CAMTA1: variants seen among roughly 807,000 people sequenced by gnomAD.
CAMTA1 encodes calmodulin binding transcription activator 1.
A neutral mutation model predicts 170.9 loss-of-function variants in CAMTA1; 27 were observed. That is an observed-to-expected ratio of 0.16 (90% CI 0.12 to 0.22). CAMTA1 has a LOEUF of 0.22. CAMTA1 is among the 10% of genes least tolerant of loss of function. The probability of loss-of-function intolerance (pLI) is 1.00; values close to 1 mark genes in which losing one functional copy is unlikely to be tolerated. For synonymous variants in CAMTA1, 833 were observed against 891.5 expected (o/e 0.93, Z 1.17); for missense variants, 1,619 against 2,217.2 (o/e 0.73, Z 5.42).
At chr1:7,047,916 G>A (rs2101548582) in intron 3 of CAMTA1, among the ~76,000 whole-genome samples, 1 of 152,214 alleles carries the variant, frequency 6.6e-6, no homozygotes, top group South Asian at 2.1e-4. Context: ...AAACCCTGAA[G>A]CTTCTATCAC....
chr1:7,376,368 G>A (rs1289780850), intron 5 of CAMTA1, among the ~76,000 whole-genome samples: 13 of 152,190 alleles, frequency 8.5e-5, no homozygotes, highest in Non-Finnish European at 1.6e-4. Context: ...GCTGCAAAAA[G>A]GAAGCTAGTT....
chr1:7,184,262 C>T (rs913863155), intron 4 of CAMTA1, among the ~76,000 whole-genome samples: 1 of 151,944 alleles, frequency 6.6e-6, no homozygotes, highest in African/African-American at 2.4e-5. Flanking sequence ...TGGTTAATGG[C>T]TATAAAAAAA....
At chr1:7,072,328 T>C (rs1047535675) in intron 3 of CAMTA1, among the ~76,000 whole-genome samples, 3 of 152,202 alleles carry the variant, frequency 2.0e-5, no homozygotes, top group African/African-American at 4.8e-5. Context: ...GGAGTATGGA[T>C]GCGAGGTGTG....
At chr1:7,564,708 CCCAGTGT>C (rs1419892054) in intron 6 of CAMTA1, among the ~76,000 whole-genome samples, 1 of 151,998 alleles carries the variant, frequency 6.6e-6, no homozygotes, top group Non-Finnish European at 1.5e-5. Context: ...CCTCTGCCCT[CCCAGTGT>C]CCAGTGGAGT....
chr1:7,608,406 C>T lies in CAMTA1; in HGVS notation c.511-31994C>T, dbSNP rs2095501512. Among the ~76,000 whole-genome samples, 3 of 152,210 alleles carry T rather than the reference C, an allele frequency of 2.0e-5. No individual in the cohort carries two copies. In the South Asian group the frequency reaches 6.2e-4, roughly 32 times the overall value. ...CTGGGGAATGCTCAGGGCCAGGGAA[C>T]CCTCCTCTGGAGCAGGCACATGTCC... On this transcript the variant is annotated intron_variant, in intron 6 of 22. Coordinates refer to ENST00000303635, the MANE Select transcript of CAMTA1 (RefSeq NM_015215.4).
intron 3 of CAMTA1, among the ~76,000 whole-genome samples, chr1:7,086,321 C>G (rs565158203): frequency 6.6e-6 from 1 of 152,082 alleles, no homozygotes. Context: ...CACGCACACA[C>G]GTGGTCCTTA....
intron 4 of CAMTA1, among the ~76,000 whole-genome samples, chr1:7,104,246 AAC>A (rs371423806): frequency 0.17 from 23,038 of 131,782 alleles, 2,077 homozygotes; most frequent in Middle Eastern, 0.24. Context: ...GTGTACACAC[AAC>A]ACACATACAC....
chr1:6,901,792 AC>A (rs531387877), intron 3 of CAMTA1, among the ~76,000 whole-genome samples: 21 of 152,158 alleles, frequency 1.4e-4, no homozygotes, highest in Admixed American at 1.3e-3. Flanking sequence ...CCTGTAATTT[AC>A]CCAGCACTTT....
chr1:7,584,050 C>T (rs1576230314), intron 6 of CAMTA1, among the ~76,000 whole-genome samples: 2 of 152,144 alleles, frequency 1.3e-5, no homozygotes, highest in South Asian at 4.1e-4. Flanking sequence ...TTCTGATAAA[C>T]CCTTAGGGTG....
chr1:6,836,544 G>A (rs1653182484), intron 3 of CAMTA1, among the ~76,000 whole-genome samples: 1 of 152,134 alleles, frequency 6.6e-6, no homozygotes, highest in Admixed American at 6.5e-5. Context: ...TCAGCTCTGG[G>A]GAATTGGACA....
chr1:7,637,902 GATT>G (rs1446719916), intron 6 of CAMTA1, among the ~76,000 whole-genome samples: 1 of 152,206 alleles, frequency 6.6e-6, no homozygotes, highest in Non-Finnish European at 1.5e-5. Context: ...GGATTATCGT[GATT>G]ATTAAGGAGC....
At position 7,745,977 on chromosome 1, in the gene CAMTA1, A is replaced by G; in HGVS notation, c.4503A>G (p.Ala1501=). 6.2e-7 allele frequency: 1 copy of G among 1,614,210 alleles called. No homozygotes were observed. Among genetic ancestry groups the G allele is most frequent in the Non-Finnish European group, 8.5e-7 (1 of 1,180,036 alleles). Residue 1501 remains alanine, a synonymous_variant, in exon 18 of 23, where the codon GCA becomes GCG. Coordinates refer to ENST00000303635, the MANE Select transcript of CAMTA1 (RefSeq NM_015215.4). The part of the protein sequence containing the change: ...SAADWSEFLS[A]STSEKVENEF... ...CGGATTGGTCAGAATTCCTGAGTGC[A>G]TCTACCAGTGAGAAGGTAGAGAATG...
chr1:7,546,166 C>T, intron 6 of CAMTA1, among the ~76,000 whole-genome samples: 1 of 152,084 alleles, frequency 6.6e-6, no homozygotes, highest in Non-Finnish European at 1.5e-5. Context: ...CCGTGTTAGC[C>T]AGGATAGTCT....
At position 6,859,980 on chromosome 1, in the gene CAMTA1, T is replaced by C. The variant is rs186954822; in HGVS notation, c.234+34770T>C. ...CATTTCTTTGTATATTCCTGCAATT[T>C]AGCATGGTTTGACCATTTATGCTAT... is the stretch of plus-strand genomic sequence containing the variant. On this transcript the variant is annotated intron_variant, in intron 3 of 22. Transcript: ENST00000303635. Among the ~76,000 whole-genome samples the C allele has an allele frequency of 2.0e-3, 298 of 152,338 alleles. 1 individual carries two copies. Among genetic ancestry groups the C allele is most frequent in the African/African-American group, 6.9e-3 (287 of 41,580 alleles).
chr1:7,183,060 A>G (rs956991914), intron 4 of CAMTA1, among the ~76,000 whole-genome samples: 2 of 152,230 alleles, frequency 1.3e-5, no homozygotes, highest in Admixed American at 1.3e-4. Flanking sequence ...TAATTTATAA[A>G]GAAAAGAGGT....
At chr1:6,948,715 A>G (rs1687959807) in intron 3 of CAMTA1, among the ~76,000 whole-genome samples, 1 of 152,130 alleles carries the variant, frequency 6.6e-6, no homozygotes, top group African/African-American at 2.4e-5. Flanking sequence ...CTCTTCCCAC[A>G]GTTCAGAAAA....
intron 7 of CAMTA1, among the ~76,000 whole-genome samples, chr1:7,643,295 C>T (rs1443896208): frequency 6.6e-6 from 1 of 152,250 alleles, no homozygotes; most frequent in Non-Finnish European, 1.5e-5. Flanking sequence ...GAGGCCCCAT[C>T]CATATGGCCG....
At chr1:6,844,993 G>A (rs1445003766) in intron 3 of CAMTA1, among the ~76,000 whole-genome samples, 1 of 152,106 alleles carries the variant, frequency 6.6e-6, no homozygotes, top group African/African-American at 2.4e-5. Flanking sequence ...ACAACTGTGG[G>A]GAAAAGCTGG....
At chr1:7,437,992 C>T (rs1326006584) in intron 5 of CAMTA1, among the ~76,000 whole-genome samples, 4 of 152,162 alleles carry the variant, frequency 2.6e-5, no homozygotes, top group South Asian at 2.1e-4. Context: ...AATGAAGTCA[C>T]GTGACGGGAA....
Sources: gnomAD v4.1 joint callset for allele counts (sites outside exome capture counted in the v4.1 genomes callset) on GRCh38, gnomAD v4.1.1 for gene constraint, MANE v1.5 for transcripts, NCBI Gene and HGNC (gene_info 2026-07-23, HGNC 2026-07-21) for gene names.